Variants in DIAPH1 observed in about 807,000 individuals in gnomAD.
DIAPH1 encodes the protein diaphanous related formin 1.
Under a neutral mutation model 140.7 loss-of-function variants are expected in DIAPH1, and 46 were observed. That is an observed-to-expected ratio of 0.33 (90% CI 0.26 to 0.42). DIAPH1 has a LOEUF of 0.42. Ranked by LOEUF, DIAPH1 falls within the 10% of genes least tolerant of loss-of-function variation. The pLI is 1.00. For missense variants in DIAPH1, 1,310 were observed against 1,558.7 expected, an observed-to-expected ratio of 0.84 and a Z score of 2.69; for synonymous variants, 565 against 551.6, an observed-to-expected ratio of 1.02 and a Z score of -0.34.
chr5:141,528,786 C>G lies in DIAPH1; in HGVS notation c.2934G>C (p.Glu978Asp). 6.2e-7 allele frequency: 1 copy of G among 1,614,210 alleles called. No homozygotes were observed. Among genetic ancestry groups the G allele is most frequent in the Non-Finnish European group, 8.5e-7 (1 of 1,180,038 alleles). Residue 978 changes from glutamate (E) to aspartate (D), a missense_variant, in exon 22 of 28, where the codon GAG becomes GAC. Physicochemically the swap from Glu to Asp is conservative, Grantham distance 45. Around this residue, in one of 3 missense-constraint regions of DIAPH1, gnomAD observed 344 missense variants for 512.2 expected, o/e 0.67. Transcript: ENST00000389054. Reference sequence around the variant, plus strand: ...TGTAATTTCCAACAAGCAAGGTAATCTCTAGGAGATTGGAAAAGCTCTCAC... The same window carrying G: ...TGTAATTTCCAACAAGCAAGGTAATGTCTAGGAGATTGGAAAAGCTCTCAC... ...RKSESFSNLL[E>D]ITLLVGNYMN...
intron 3 of DIAPH1, among the ~76,000 whole-genome samples, chr5:141,585,716 C>T (rs2099897441): frequency 2.0e-5 from 3 of 152,084 alleles, no homozygotes; most frequent in Non-Finnish European, 4.4e-5. Context: ...AGGAGAACTG[C>T]TCGAACCCAG....
chr5:141,579,687 C>T (rs773523798), intron 8 of DIAPH1, among the ~76,000 whole-genome samples: 3 of 152,108 alleles, frequency 2.0e-5, no homozygotes, highest in Non-Finnish European at 2.9e-5. Flanking sequence ...CAGTGGCTCA[C>T]GCTTGTAATC....
In DIAPH1 at chr5:141,578,282, C is replaced by G; in HGVS notation, c.1106G>C (p.Gly369Ala). ...RVQLNVFDEQ[G>A]EEDSYDLKGR... Reference sequence around the variant, plus strand: ...CTTCAGGTCATAGGAATCCTCTTCCCCTTGTTCATCAAACACATTTAGTTG... The same window carrying G: ...CTTCAGGTCATAGGAATCCTCTTCCGCTTGTTCATCAAACACATTTAGTTG... The change falls in exon 11 of 28, where the codon GGG becomes GCG. Residue 369 changes from glycine to alanine, a missense_variant. Transcript: ENST00000389054. 2 of 1,614,130 alleles carry G rather than the reference C, an allele frequency of 1.2e-6. No homozygotes were observed. Among genetic ancestry groups the G allele is most frequent in the Non-Finnish European group, 1.7e-6 (2 of 1,180,014 alleles).
At position 141,579,110 on chromosome 5, in the gene DIAPH1, C is replaced by CT. The variant is rs2154596461; in HGVS notation, c.910dup (p.Ser304LysfsTer26). ...TGCCTTCAGTGCAATAGTGGTTCCA[C>CT]TTTTTAATCCATCCAGCAGCGGCTG... On this transcript the variant is annotated frameshift_variant, in exon 9 of 28. Coordinates refer to ENST00000389054, the MANE Select transcript of DIAPH1 (RefSeq NM_005219.5). LOFTEE classifies it high-confidence loss of function. The CT allele has an allele frequency of 1.2e-5, 19 of 1,614,122 alleles. No homozygotes were observed. The highest frequency in any genetic ancestry group is 1.6e-5 in the Non-Finnish European group (19 of 1,179,972).
chr5:141,577,353 G>A (rs1256501413), intron 12 of DIAPH1, 122 bp downstream of exon 12: 2 of 793,958 alleles, frequency 2.5e-6, no homozygotes, highest in Admixed American at 3.5e-5. Flanking sequence ...GGTGACTAAT[G>A]AACCCTAATC....
intron 1 of DIAPH1, among the ~76,000 whole-genome samples, chr5:141,606,289 A>G (rs979081410): frequency 1.3e-5 from 2 of 152,236 alleles, no homozygotes; most frequent in Non-Finnish European, 2.9e-5. Flanking sequence ...TGTAGCCATT[A>G]AAGATCATAT....
At chr5:141,564,475 C>T (rs2099894071) in intron 18 of DIAPH1, 1 of 152,214 alleles carries the variant, frequency 6.6e-6, no homozygotes, top group Admixed American at 6.5e-5. Flanking sequence ...AAAATTAAAA[C>T]TTAATTCCTT....
At chr5:141,541,052 A>G (rs2099889894) in intron 18 of DIAPH1, among the ~76,000 whole-genome samples, 1 of 152,080 alleles carries the variant, frequency 6.6e-6, no homozygotes, top group Non-Finnish European at 1.5e-5. Flanking sequence ...TTCATCAAAT[A>G]TATGATGGCA....
intron 18 of DIAPH1, among the ~76,000 whole-genome samples, chr5:141,539,477 G>A (rs1443520308): frequency 1.7e-4 from 18 of 107,068 alleles, no homozygotes; most frequent in Middle Eastern, 0.013. Flanking sequence ...TCACCATGTT[G>A]GCCAGGATGG....
chr5:141,576,959 G>C, intron 12 of DIAPH1, 88 bp from the exon 13 acceptor site: 3 of 832,890 alleles, frequency 3.6e-6, no homozygotes, highest in Non-Finnish European at 6.1e-6. Flanking sequence ...TAATTGCTCT[G>C]ACAACTGAGA....
chr5:141,602,494 C>T (rs1332073830), intron 1 of DIAPH1, among the ~76,000 whole-genome samples: 6 of 152,206 alleles, frequency 3.9e-5, no homozygotes, highest in African/African-American at 1.4e-4. Context: ...GGATTACAAG[C>T]GTGAGCCACC....
At chr5:141,602,304 C>A (rs544885920) in intron 1 of DIAPH1, among the ~76,000 whole-genome samples, 3 of 152,302 alleles carry the variant, frequency 2.0e-5, no homozygotes, top group African/African-American at 4.8e-5. Flanking sequence ...GCAAGCTACG[C>A]CCCTGCGTTC....
intron 1 of DIAPH1, among the ~76,000 whole-genome samples, chr5:141,589,902 G>A (rs2099898133): frequency 6.6e-6 from 1 of 151,896 alleles, no homozygotes; most frequent in South Asian, 2.1e-4. Context: ...AATGTCCTTA[G>A]ACGAGTATAG....
At chr5:141,592,549 G>C (rs1189326564) in intron 1 of DIAPH1, among the ~76,000 whole-genome samples, 1 of 152,114 alleles carries the variant, frequency 6.6e-6, no homozygotes, top group African/African-American at 2.4e-5. Flanking sequence ...GGAGATAAAT[G>C]CTACTGGAGC....
Position 141,516,486 on chromosome 5 carries a change from G to A in DIAPH1, c.*365C>T, listed in dbSNP as rs1003939435. The stretch of plus-strand genomic sequence containing the variant: ...CAAATCCAGCAAGACTGACCTAGGG[G>A]GGAAAGCCCATTAGAAAGTCAGGGC... On this transcript the variant is annotated 3_prime_UTR_variant, in exon 28 of 28. Transcript: ENST00000389054. 5 of 343,494 alleles carry A rather than the reference G, an allele frequency of 1.5e-5. No homozygotes were observed. The highest frequency in any genetic ancestry group is 1.2e-4 in the Admixed American group (3 of 24,498). The allele number at this position is 343,494 out of a possible 1,614,324, so 21.3% of individuals were successfully genotyped here.
At chr5:141,517,302 G>A (rs1367882278) in intron 27 of DIAPH1, among the ~76,000 whole-genome samples, 1 of 152,204 alleles carries the variant, frequency 6.6e-6, no homozygotes, top group Non-Finnish European at 1.5e-5. Flanking sequence ...TGAAGTGTTA[G>A]CTATGTGACT....
At chr5:141,566,926 A>AAAACAAAACC (rs752460464) in intron 18 of DIAPH1, among the ~76,000 whole-genome samples, 237 of 147,558 alleles carry the variant, frequency 1.6e-3, no homozygotes, top group African/African-American at 5.2e-3. Flanking sequence ...AAAACAAAAC[A>AAAACAAAACC]AAACCACATA....
chr5:141,542,325 C>T (rs1209839623), intron 18 of DIAPH1, among the ~76,000 whole-genome samples: 1 of 151,670 alleles, frequency 6.6e-6, no homozygotes, highest in African/African-American at 2.4e-5. Context: ...CCCAGCTACT[C>T]GGGAGGCTGA....
At chr5:141,520,871 C>T (rs1289415105) in intron 27 of DIAPH1, among the ~76,000 whole-genome samples, 1 of 152,088 alleles carries the variant, frequency 6.6e-6, no homozygotes, top group Non-Finnish European at 1.5e-5. Flanking sequence ...TGTCATTAGC[C>T]ATGTAGACCT....
Sources: gnomAD v4.1 joint callset for allele counts (sites outside exome capture counted in the v4.1 genomes callset) on GRCh38, gnomAD v4.1.1 for gene constraint, gnomAD v4.1.1 regional missense constraint, MANE v1.5 for transcripts, NCBI Gene and HGNC (gene_info 2026-07-23, HGNC 2026-07-21) for gene names.